The following CTDSPL2 variants were observed in gnomAD, a reference collection of about 807,000 sequenced individuals.
CTDSPL2 encodes CTD small phosphatase like 2, also known as CTD small phosphatase-like protein 2.
Under a neutral mutation model 60.0 loss-of-function variants are expected in CTDSPL2, and 5 were observed. That is an observed-to-expected ratio of 0.08 (90% CI 0.04 to 0.18). The LOEUF (loss-of-function observed/expected upper bound fraction) is 0.18, where lower values mean the gene tolerates loss of function less well. Ranked by LOEUF, CTDSPL2 falls within the 10% of genes least tolerant of loss-of-function variation. The pLI is 1.00. For synonymous variants in CTDSPL2, 186 were observed against 189.3 expected (o/e 0.98, Z 0.14); for missense variants, 370 against 548.8 (o/e 0.67, Z 3.26).
chr15:44,434,842 TTAG>T (rs1260955879), intron 1 of CTDSPL2, among the ~76,000 whole-genome samples: 3 of 152,198 alleles, frequency 2.0e-5, no homozygotes, highest in Non-Finnish European at 4.4e-5. Flanking sequence ...TTTATTATAT[TTAG>T]TAGTTTTTAA....
chr15:44,493,657 G>A (rs115338577), intron 5 of CTDSPL2, among the ~76,000 whole-genome samples: 4,591 of 152,072 alleles, frequency 0.03, 247 homozygotes, highest in African/African-American at 0.11. Flanking sequence ...AAATTAGCTG[G>A]GCATCGTGGC....
At chr15:44,519,114 G>A (rs2081711186) in intron 10 of CTDSPL2, 55 bp from the exon 11 acceptor site, 1 of 1,252,280 alleles carries the variant, frequency 8.0e-7, no homozygotes, top group African/African-American at 1.6e-5. Context: ...ATGTGTATAT[G>A]TTCTACTTTT....
At chr15:44,433,112 C>T (rs778139753) in intron 1 of CTDSPL2, among the ~76,000 whole-genome samples, 161 of 151,506 alleles carry the variant, frequency 1.1e-3, no homozygotes, top group South Asian at 2.1e-3. Flanking sequence ...CTTAGGAGTT[C>T]GAGACCAGCC....
chr15:44,512,992 A>T (rs1409510484), intron 8 of CTDSPL2, among the ~76,000 whole-genome samples: 1 of 151,584 alleles, frequency 6.6e-6, no homozygotes, highest in African/African-American at 2.4e-5. Context: ...GAATTGCTTG[A>T]ACCCTGGAGG....
intron 1 of CTDSPL2, among the ~76,000 whole-genome samples, chr15:44,439,749 G>A (rs1363343273): frequency 1.3e-5 from 2 of 152,066 alleles, no homozygotes; most frequent in African/African-American, 4.8e-5. Context: ...ACCAACGTGA[G>A]GCTGTATATG....
intron 1 of CTDSPL2, among the ~76,000 whole-genome samples, chr15:44,436,462 C>G (rs185127182): frequency 6.6e-6 from 1 of 152,070 alleles, no homozygotes; most frequent in Non-Finnish European, 1.5e-5. Context: ...TTTGACAGCT[C>G]TTTGTTTGTT....
chr15:44,468,427 C>T (rs2080739328), intron 2 of CTDSPL2, among the ~76,000 whole-genome samples: 1 of 151,964 alleles, frequency 6.6e-6, no homozygotes. Context: ...ATGAGTCTTG[C>T]TTGGGTTTAT....
intron 2 of CTDSPL2, among the ~76,000 whole-genome samples, chr15:44,479,699 G>A (rs1440307579): frequency 6.6e-6 from 1 of 151,790 alleles, no homozygotes; most frequent in Non-Finnish European, 1.5e-5. Flanking sequence ...CTCCACACCA[G>A]CCTCATATTT....
rs181296831 is a variant in CTDSPL2 at position 44,523,205 on chromosome 15, C to T, written c.1336-904C>T. Among the ~76,000 whole-genome samples, 8 of 152,182 alleles carry T rather than the reference C, an allele frequency of 5.3e-5. No individual in the cohort carries two copies. In the East Asian group the frequency reaches 1.5e-3, roughly 29 times the overall value. On this transcript the variant is annotated intron_variant, in intron 12 of 12. Transcript: ENST00000260327. ...AGAGACTGGGTTTCACCACATTGGC[C>T]AGGCTGATCTCGAACTCCTGACCTC... is the stretch of plus-strand genomic sequence containing the variant.
At chr15:44,463,297 A>G (rs1025215360) in intron 2 of CTDSPL2, among the ~76,000 whole-genome samples, 2 of 151,696 alleles carry the variant, frequency 1.3e-5, no homozygotes, top group Non-Finnish European at 2.9e-5. Flanking sequence ...GCCTGCCACC[A>G]TACCTGGCTG....
intron 1 of CTDSPL2, among the ~76,000 whole-genome samples, chr15:44,453,523 C>A (rs1307007705): frequency 4.6e-5 from 7 of 151,938 alleles, no homozygotes; most frequent in African/African-American, 1.7e-4. Context: ...GTGCTGTACC[C>A]ATTAACTCGT....
At chr15:44,480,693 C>T (rs1405260705) in intron 2 of CTDSPL2, among the ~76,000 whole-genome samples, 6 of 151,576 alleles carry the variant, frequency 4.0e-5, no homozygotes, top group Non-Finnish European at 7.4e-5. Flanking sequence ...ATTAACAGGG[C>T]GTGATGTTAT....
intron 8 of CTDSPL2, among the ~76,000 whole-genome samples, chr15:44,500,908 G>C (rs891084395): frequency 1.3e-5 from 2 of 152,264 alleles, no homozygotes; most frequent in East Asian, 3.9e-4. Flanking sequence ...CACTTTTTAT[G>C]TAAGCTGATT....
At chr15:44,430,018 C>T (rs2079825184) in intron 1 of CTDSPL2, among the ~76,000 whole-genome samples, 1 of 152,166 alleles carries the variant, frequency 6.6e-6, no homozygotes, top group African/African-American at 2.4e-5. Flanking sequence ...GTGCATTTAA[C>T]TTGAGCTGGT....
intron 2 of CTDSPL2, among the ~76,000 whole-genome samples, chr15:44,472,725 G>T (rs897214886): frequency 3.3e-5 from 5 of 152,048 alleles, no homozygotes; most frequent in African/African-American, 9.7e-5. Flanking sequence ...GTGCAGTGGC[G>T]CAGTCTCCAT....
At chr15:44,462,960 C>G (rs2080605311) in intron 2 of CTDSPL2, among the ~76,000 whole-genome samples, 1 of 152,044 alleles carries the variant, frequency 6.6e-6, no homozygotes, top group African/African-American at 2.4e-5. Flanking sequence ...CCACCTCAGC[C>G]TCCCAAAGTG....
chr15:44,429,825 C>G (rs985725976), intron 1 of CTDSPL2, among the ~76,000 whole-genome samples: 1 of 152,152 alleles, frequency 6.6e-6, no homozygotes, highest in Non-Finnish European at 1.5e-5. Context: ...GAAGACCACC[C>G]CACTGTACTC....
intron 1 of CTDSPL2, among the ~76,000 whole-genome samples, chr15:44,431,346 A>G (rs2079853081): frequency 2.0e-5 from 3 of 152,260 alleles, no homozygotes. Flanking sequence ...GGCATTTGCC[A>G]GGAGGCATAT....
At position 44,484,237 on chromosome 15, in the gene CTDSPL2, A is replaced by G. The variant is rs2081079535; in HGVS notation, c.200A>G (p.Asn67Ser). Reference protein sequence around the residue: ...KGSTPKEERENPSKRSRIERD... With the variant: ...KGSTPKEERESPSKRSRIERD... ...TTATATCTTAAGGAAGAGAGAGAAAATCCTTCAAAACGGAGTAGAATTGAA... is the reference window on the plus strand; with the variant it reads ...TTATATCTTAAGGAAGAGAGAGAAAGTCCTTCAAAACGGAGTAGAATTGAA... The change falls in exon 3 of 13, where the codon AAT (asparagine) becomes AGT (serine). Residue 67 changes from asparagine (N) to serine (S), a missense_variant. By Grantham distance (46) the Asn-to-Ser change is conservative. This residue lies in a region of CTDSPL2 where 287 missense variants were observed against 296.1 expected (regional missense o/e 0.97). Coordinates refer to ENST00000260327, the MANE Select transcript of CTDSPL2 (RefSeq NM_016396.3). The G allele has an allele frequency of 1.2e-6, 2 of 1,609,674 alleles. No individual in the cohort carries two copies. Among genetic ancestry groups the G allele is most frequent in the Non-Finnish European group, 1.7e-6 (2 of 1,178,272 alleles).
Sources: gnomAD v4.1 joint callset for allele counts (sites outside exome capture counted in the v4.1 genomes callset) on GRCh38, gnomAD v4.1.1 for gene constraint, gnomAD v4.1.1 regional missense constraint, MANE v1.5 for transcripts, NCBI Gene and HGNC (gene_info 2026-07-23, HGNC 2026-07-21) for gene names.